FAM186B: variants seen among roughly 807,000 people sequenced by gnomAD.
The protein encoded by FAM186B is family with sequence similarity 186 member B, also known as protein FAM186B.
In FAM186B, 68 loss-of-function variants were observed where a neutral mutation model predicts 83.4. That is an observed-to-expected ratio of 0.81 (90% CI 0.67 to 1.00). FAM186B has a LOEUF of 1.00. FAM186B is among the 50% of genes least tolerant of loss of function. The probability of loss-of-function intolerance (pLI) is 0.00; values close to 1 mark genes in which losing one functional copy is unlikely to be tolerated. For synonymous variants in FAM186B, 389 were observed against 422.0 expected (o/e 0.92, Z 0.96); for missense variants, 983 against 1,099.2 (o/e 0.89, Z 1.49).
At chr12:49,587,079 A>C (rs1939461322), downstream of FAM186B, among the ~76,000 whole-genome samples, 1 of 152,210 alleles carries the variant, frequency 6.6e-6, no homozygotes, top group African/African-American at 2.4e-5. Context: ...AAGCCCAGAG[A>C]GGCAAAGGAG....
intron 3 of FAM186B, among the ~76,000 whole-genome samples, chr12:49,602,865 C>T (rs1291676278): frequency 2.6e-5 from 4 of 152,182 alleles, no homozygotes; most frequent in South Asian, 2.1e-4. Context: ...TAGGATGGCC[C>T]GCAGGTTCTA....
At chr12:49,587,105 C>G (rs1346362189), downstream of FAM186B, among the ~76,000 whole-genome samples, 1 of 152,208 alleles carries the variant, frequency 6.6e-6, no homozygotes, top group Non-Finnish European at 1.5e-5. Flanking sequence ...AGACTTCTAA[C>G]CAGAAAAGCC....
chr12:49,599,534 C>T lies in FAM186B; in HGVS notation c.2106G>A (p.Leu702=). ...ACAGGTACTGCAGCCTGAGCGCGCC[C>T]AGCTCCATGGTGGTGGTGGTGAGCT... The part of the protein sequence containing the change: ...ALELTTTTME[L]GALRLQYLCH... The change falls in exon 4 of 7, where the codon CTG becomes CTA. Residue 702 remains leucine, a synonymous_variant. Transcript: ENST00000257894. 1 of 1,603,970 alleles carries T rather than the reference C, an allele frequency of 6.2e-7. No homozygotes were observed. The highest frequency in any genetic ancestry group is 1.1e-5 in the South Asian group (1 of 89,338).
chr12:49,615,744 G>A, the FAM186B span, among the ~76,000 whole-genome samples: 6 of 151,806 alleles, frequency 4.0e-5, no homozygotes, highest in Admixed American at 1.3e-4. Flanking sequence ...AGCTGTGATC[G>A]TGCCACTGCA....
chr12:49,616,116 G>A, the FAM186B span, among the ~76,000 whole-genome samples: 187 of 151,242 alleles, frequency 1.2e-3, 1 homozygote, highest in African/African-American at 4.4e-3. Flanking sequence ...TGCAACCTCC[G>A]CCTCCCGGGT....
chr12:49,598,175 A>G (rs1402854512), intron 5 of FAM186B, among the ~76,000 whole-genome samples: 1 of 152,250 alleles, frequency 6.6e-6, no homozygotes, highest in Non-Finnish European at 1.5e-5. Context: ...ACATTTTCAG[A>G]CAACCAGGGT....
upstream of FAM186B, among the ~76,000 whole-genome samples, chr12:49,608,509 C>CAAA (rs1940056205): frequency 1.3e-5 from 2 of 148,390 alleles, no homozygotes; most frequent in Admixed American, 6.7e-5. Context: ...AAAAAAAAAC[C>CAAA]AAAAACCTTT....
intron 5 of FAM186B, chr12:49,595,478 G>C (rs1326836715): frequency 4.2e-6 from 2 of 474,470 alleles, no homozygotes; most frequent in Admixed American, 4.5e-5. Flanking sequence ...ATCAGTTTTG[G>C]AAGTAAAGTT....
At chr12:49,594,484 G>A (rs1161925632) in intron 5 of FAM186B, among the ~76,000 whole-genome samples, 1 of 152,124 alleles carries the variant, frequency 6.6e-6, no homozygotes, top group East Asian at 1.9e-4. Flanking sequence ...TTTAAATTAG[G>A]CAGAGTAAGA....
chr12:49,620,704 T>C, the FAM186B span, among the ~76,000 whole-genome samples: 1 of 152,254 alleles, frequency 6.6e-6, no homozygotes, highest in Non-Finnish European at 1.5e-5. Flanking sequence ...TAATTGTAGA[T>C]ATCTGTATTT....
intron 5 of FAM186B, among the ~76,000 whole-genome samples, chr12:49,593,690 T>G (rs892614728): frequency 1.1e-4 from 16 of 151,062 alleles, no homozygotes; most frequent in African/African-American, 3.9e-4. Context: ...GTCCAAATTT[T>G]GGGCCAGGTA....
At chr12:49,584,294 C>G, downstream of FAM186B, 2 of 555,228 alleles carry the variant, frequency 3.6e-6, no homozygotes, top group South Asian at 4.6e-5. Context: ...AATAAACCAA[C>G]CTCTATTTTA....
chr12:49,587,855 C>A, intron 6 of FAM186B, 103 bp from the exon 7 acceptor site: 25 of 1,302,602 alleles, frequency 1.9e-5, no homozygotes, highest in Non-Finnish European at 2.6e-5. Context: ...GTCTCCTTCC[C>A]TTCTCAAATC....
At chr12:49,604,239 TC>T in intron 2 of FAM186B, 73 bp downstream of exon 2, 2 of 1,158,174 alleles carry the variant, frequency 1.7e-6, no homozygotes, top group Non-Finnish European at 2.6e-6. Context: ...AGGGGATGTG[TC>T]CTGTGCTGTC....
the FAM186B span, among the ~76,000 whole-genome samples, chr12:49,617,690 T>C: frequency 6.6e-6 from 1 of 152,232 alleles, no homozygotes; most frequent in East Asian, 1.9e-4. Context: ...TAAACTACTA[T>C]TTTAAAACCA....
intron 5 of FAM186B, among the ~76,000 whole-genome samples, chr12:49,597,884 A>G (rs1939764707): frequency 6.6e-6 from 1 of 152,008 alleles, no homozygotes; most frequent in South Asian, 2.1e-4. Context: ...ACATGGTGAA[A>G]CCCCGTCTCT....
At chr12:49,594,548 T>G (rs551061217) in intron 5 of FAM186B, among the ~76,000 whole-genome samples, 1 of 152,220 alleles carries the variant, frequency 6.6e-6, no homozygotes, top group East Asian at 1.9e-4. Context: ...ATAATAAAAG[T>G]TACGTGAATG....
In FAM186B at chr12:49,600,808, G is replaced by A; in HGVS notation, c.832C>T (p.His278Tyr). ...AGGACCTCCATGAACTGCTGGAAGT[G>A]CAGCCTCTGGCTGCTGAGCTCTTTG... Reference protein sequence around the residue: ...ATKELSSQRLHFQQFMEVLES... With the variant: ...ATKELSSQRLYFQQFMEVLES... Residue 278 changes from histidine (H) to tyrosine (Y), a missense_variant, in exon 4 of 7, where the codon CAC becomes TAC. By Grantham distance (83) the His-to-Tyr change is moderately conservative. Coordinates refer to ENST00000257894, the MANE Select transcript of FAM186B (RefSeq NM_032130.3). The surrounding 1 kb of genome is among the most constrained non-coding windows in gnomAD (Gnocchi z 4.3). The A allele has an allele frequency of 1.2e-6, 2 of 1,611,698 alleles. No individual in the cohort carries two copies. The highest frequency in any genetic ancestry group is 3.4e-5 in the Admixed American group (2 of 59,604).
upstream of FAM186B, among the ~76,000 whole-genome samples, chr12:49,607,855 A>C (rs1940051327): frequency 6.6e-6 from 1 of 152,106 alleles, no homozygotes; most frequent in South Asian, 2.1e-4. Context: ...GCGTGCCACC[A>C]CGCGCAGCTA....
Sources: allele counts gnomAD v4.1 joint callset (sites outside exome capture counted in the v4.1 genomes callset), GRCh38; gene constraint gnomAD v4.1.1; non-coding constraint Gnocchi (gnomAD v3.1); transcripts MANE v1.5; gene names NCBI Gene and HGNC (gene_info 2026-07-23, HGNC 2026-07-21).